IL4I1: variants seen among roughly 807,000 people sequenced by gnomAD.
The protein encoded by IL4I1 is L-amino-acid oxidase.
Under a neutral mutation model 29.7 loss-of-function variants are expected in IL4I1, and 24 were observed. That is an observed-to-expected ratio of 0.81 (90% CI 0.59 to 1.14). IL4I1 has a LOEUF of 1.14. Ranked by LOEUF, IL4I1 falls within the 50% of genes most tolerant of loss-of-function variation. The pLI is 0.00. For synonymous variants in IL4I1, 371 were observed against 352.5 expected, an observed-to-expected ratio of 1.05 and a Z score of -0.59; for missense variants, 686 against 785.6, an observed-to-expected ratio of 0.87 and a Z score of 1.52.
intron 2 of IL4I1, among the ~76,000 whole-genome samples, chr19:49,922,453 G>A (rs2075788191): frequency 6.6e-6 from 1 of 151,974 alleles, no homozygotes; most frequent in Non-Finnish European, 1.5e-5. Context: ...CATGGGACCG[G>A]GCTGTGTCGG....
At position 49,909,559 on chromosome 19, in the gene IL4I1, C is replaced by T. The variant is rs780658950; in HGVS notation, c.-227-5238G>A. ...TCCCCAAAGAAAATCCAGTTCCCCC[C>T]GAAGCAAGAGTCGCTGTTCCAAAAG... On this transcript the variant is annotated intron_variant, in intron 2 of 9. Coordinates refer to the IL4I1 transcript ENST00000341114. 45 of 1,614,018 alleles carry T rather than the reference C, an allele frequency of 2.8e-5. No homozygotes were observed. Among genetic ancestry groups the T allele is most frequent in the Non-Finnish European group, 3.4e-5 (40 of 1,180,026 alleles).
chr19:49,909,222 C>T (rs2075398303), intron 2 of IL4I1: 5 of 1,614,064 alleles, frequency 3.1e-6, no homozygotes, highest in Non-Finnish European at 4.2e-6. Context: ...GTGGTGGCTG[C>T]TGGCGTGGCC....
At chr19:49,906,197 T>C (rs1368601304) in intron 2 of IL4I1, among the ~76,000 whole-genome samples, 1 of 150,806 alleles carries the variant, frequency 6.6e-6, no homozygotes, top group Non-Finnish European at 1.5e-5. Context: ...GGGATGGTAC[T>C]AGATGACTTA....
At chr19:49,898,813 G>A (rs1369983983), upstream of IL4I1, among the ~76,000 whole-genome samples, 2 of 152,202 alleles carry the variant, frequency 1.3e-5, no homozygotes, top group African/African-American at 4.8e-5. Context: ...AGGTTGCAGT[G>A]AGCCGAGATT....
chr19:49,896,883 C>T lies in IL4I1; in HGVS notation c.-71G>A. ...ACAGCGCGGTCCTCTCCACTGCCCT[C>T]CACTGTCTCTGCTGTGGCCCTTTCT... On this transcript the variant is annotated 5_prime_UTR_variant, in exon 1 of 8. Coordinates refer to ENST00000391826, the MANE Select transcript of IL4I1 (RefSeq NM_152899.2). 1.0e-6 allele frequency: 1 copy of T among 985,656 alleles called. No individual in the cohort carries two copies. The highest frequency in any genetic ancestry group is 1.2e-6 in the Non-Finnish European group (1 of 830,066). 61.1% of individuals were successfully genotyped at this position (985,656 alleles called of 1,614,324 possible). A position where few individuals can be genotyped will look rare whatever the true frequency, so the allele number is the denominator to read the frequency against.
upstream of IL4I1, among the ~76,000 whole-genome samples, chr19:49,899,494 C>T (rs2075251042): frequency 2.0e-5 from 3 of 152,082 alleles, no homozygotes; most frequent in Admixed American, 2.0e-4. Flanking sequence ...AAGCAATCCT[C>T]CCACCTCAGC....
At chr19:49,914,884 C>T (rs1174209003) in intron 2 of IL4I1, among the ~76,000 whole-genome samples, 2 of 151,592 alleles carry the variant, frequency 1.3e-5, no homozygotes, top group African/African-American at 4.8e-5. Context: ...GGATTACAGG[C>T]GTGCACCACC....
At chr19:49,893,243 AG>A (rs2075161714) in intron 5 of IL4I1, among the ~76,000 whole-genome samples, 1 of 151,762 alleles carries the variant, frequency 6.6e-6, no homozygotes, top group Non-Finnish European at 1.5e-5. Flanking sequence ...TTCTGGTACC[AG>A]GCTGGGGAGA....
intron 2 of IL4I1, among the ~76,000 whole-genome samples, chr19:49,914,726 G>GTTTTGTTTTTTTTTTTTTTTTTTTTTT (rs2075575701): frequency 1.8e-5 from 1 of 56,362 alleles, no homozygotes; most frequent in Admixed American, 2.8e-4. Context: ...CCAAGTCCCA[G>GTTTTGTTTTTTTTTTTTTTTTTTTTTT]TTTTTTTTTT....
At chr19:49,919,147 C>T (rs566817096) in intron 2 of IL4I1, among the ~76,000 whole-genome samples, 2 of 152,198 alleles carry the variant, frequency 1.3e-5, no homozygotes, top group Admixed American at 6.5e-5. Context: ...GAGTGAAACT[C>T]GGTCTCAAAA....
rs2075761916 is a variant in IL4I1, at chr19:49,921,395, T to C, written c.-228+6299A>G. 1.3e-5 allele frequency among the ~76,000 whole-genome samples: 2 copies of C among 152,034 alleles called. No homozygotes were observed. The highest frequency in any genetic ancestry group is 4.1e-4 in the South Asian group (2 of 4,820). Reference sequence around the variant, plus strand: ...CGTCCCCTGCCTCATCCAGTCCCCCTTCCCATTCTCCAGAGACTTCCTGGG... The same window carrying C: ...CGTCCCCTGCCTCATCCAGTCCCCCCTCCCATTCTCCAGAGACTTCCTGGG... On this transcript the variant is annotated intron_variant, in intron 2 of 9. Transcript: ENST00000341114. The surrounding 1 kb of genome is among the most constrained non-coding windows in gnomAD (Gnocchi z 5.4).
chr19:49,895,878 A>G lies in IL4I1; in HGVS notation c.189T>C (p.Ile63=). ...GCCCGGCCACACCAGCGCCAACCAC[A>G]ATCACCCTCTGGGGCTTCAGGGTCC... ...LNRTLKPQRV[I]VVGAGVAGLV... The change falls in exon 3 of 8, where the codon ATT becomes ATC. Residue 63 remains isoleucine, a synonymous_variant. Transcript: ENST00000391826. 6.2e-7 allele frequency: 1 copy of G among 1,613,972 alleles called. No homozygotes were observed. The highest frequency in any genetic ancestry group is 8.5e-7 in the Non-Finnish European group (1 of 1,179,968).
At position 49,895,100 on chromosome 19, in the gene IL4I1, C is replaced by A. The variant is rs936401845; in HGVS notation, c.333G>T (p.Glu111Asp). 6.8e-6 allele frequency: 11 copies of A among 1,613,640 alleles called. No individual in the cohort carries two copies. The change falls in exon 4 of 8, where the codon GAG becomes GAT. Residue 111 changes from glutamate to aspartate, a missense_variant. By Grantham distance (45) the Glu-to-Asp change is conservative (BLOSUM62 2). Transcript: ENST00000391826. The stretch of plus-strand genomic sequence containing the variant: ...AGCTGGGCATGCGCATGGCTCCCAG[C>A]TCCCCAATCCAGCCCGTGTTCTGGT... ...YRDQNTGWIG[E>D]LGAMRMPSSH...
intron 1 of IL4I1, chr19:49,928,091 G>A (rs36220128): frequency 0.019 from 2,860 of 152,454 alleles, 43 homozygotes; most frequent in Non-Finnish European, 0.026. Context: ...GGAAGATGAG[G>A]ATAGCTGGAA....
intron 2 of IL4I1, among the ~76,000 whole-genome samples, chr19:49,922,196 T>C (rs543589452): frequency 7.2e-5 from 11 of 152,226 alleles, no homozygotes; most frequent in Admixed American, 2.0e-4. Flanking sequence ...GGCTTGCCCC[T>C]GACACAGCCC....
intron 3 of IL4I1, among the ~76,000 whole-genome samples, chr19:49,895,514 C>T (rs190951084): frequency 2.0e-5 from 3 of 152,304 alleles, no homozygotes; most frequent in Non-Finnish European, 4.4e-5. Context: ...GGGCACACAT[C>T]CCCTTGGTAG....
chr19:49,920,400 T>C (rs1369340182), intron 2 of IL4I1, among the ~76,000 whole-genome samples: 2 of 152,078 alleles, frequency 1.3e-5, no homozygotes, highest in Non-Finnish European at 2.9e-5. Context: ...CTTTTTAGCG[T>C]GATGAAAATG....
At position 49,890,523 on chromosome 19, in the gene IL4I1, T is replaced by C. The variant is rs753469445; in HGVS notation, c.851A>G (p.Asn284Ser). 6.2e-7 allele frequency: 1 copy of C among 1,609,150 alleles called. No homozygotes were observed. The highest frequency in any genetic ancestry group is 1.1e-5 in the South Asian group (1 of 91,012). The stretch of plus-strand genomic sequence containing the variant: ...CTGGGTCATCGCCACCACGGGCGCG[T>C]TCAACAGCACAAGCCCGGACAGCGA... ...LSSLSGLVLL[N>S]APVVAMTQGP... The change falls in exon 8 of 8, where the codon AAC becomes AGC. Residue 284 changes from asparagine (N) to serine (S), a missense_variant. Coordinates refer to ENST00000391826, the MANE Select transcript of IL4I1 (RefSeq NM_152899.2).
At chr19:49,919,756 C>G (rs2075718977) in intron 2 of IL4I1, among the ~76,000 whole-genome samples, 1 of 151,748 alleles carries the variant, frequency 6.6e-6, no homozygotes, top group Admixed American at 6.6e-5. Flanking sequence ...TAGGAAACAG[C>G]CAGAGAGAGA....
Sources: allele counts gnomAD v4.1 joint callset (sites outside exome capture counted in the v4.1 genomes callset), GRCh38; gene constraint gnomAD v4.1.1; non-coding constraint Gnocchi (gnomAD v3.1); transcripts MANE v1.5; gene names NCBI Gene and HGNC (gene_info 2026-07-23, HGNC 2026-07-21).